Variants in IL1RAPL2 observed in about 807,000 individuals in gnomAD.
The protein encoded by IL1RAPL2 is interleukin 1 receptor accessory protein like 2.
A neutral mutation model predicts 44.1 loss-of-function variants in IL1RAPL2; 3 were observed. That is an observed-to-expected ratio of 0.07 (90% confidence interval 0.03 to 0.18). IL1RAPL2 has a LOEUF of 0.18. IL1RAPL2 is among the 10% of genes least tolerant of loss of function. The pLI is 1.00. For synonymous variants in IL1RAPL2, 181 were observed against 178.8 expected (o/e 1.01, Z -0.10); for missense variants, 391 against 496.4 (o/e 0.79, Z 2.02).
intron 2 of IL1RAPL2, among the ~76,000 whole-genome samples, chrX:105,068,244 G>C (rs1339424390): frequency 9.0e-6 from 1 of 111,375 alleles, no homozygotes; most frequent in Admixed American, 9.6e-5. Flanking sequence ...CAGAAAACTA[G>C]TCCATAAGTT....
intron 2 of IL1RAPL2, among the ~76,000 whole-genome samples, chrX:104,736,547 C>T (rs982404765): frequency 8.9e-6 from 1 of 112,082 alleles, no homozygotes; most frequent in Non-Finnish European, 1.9e-5. Flanking sequence ...GTATATCCAC[C>T]ATGAAGTCAT....
chrX:105,608,966 G>A (rs1461857655), intron 6 of IL1RAPL2, among the ~76,000 whole-genome samples: 1 of 111,117 alleles, frequency 9.0e-6, no homozygotes, highest in Non-Finnish European at 1.9e-5. Context: ...GAGTTCAGTA[G>A]GGACAAACTC....
intron 5 of IL1RAPL2, among the ~76,000 whole-genome samples, chrX:105,370,287 A>G (rs1220760003): frequency 9.0e-6 from 1 of 111,600 alleles, no homozygotes; most frequent in African/African-American, 3.3e-5. Context: ...CAAATTGCAT[A>G]TCATGGGGGT....
At chrX:105,488,662 A>G (rs1167261170) in intron 6 of IL1RAPL2, among the ~76,000 whole-genome samples, 1 of 112,122 alleles carries the variant, frequency 8.9e-6, no homozygotes, top group Non-Finnish European at 1.9e-5. Context: ...TCATGCAGCA[A>G]TTTTATGCAA....
Position 105,427,682 on chromosome X carries a change from C to A in IL1RAPL2, c.698-56631C>A, listed in dbSNP as rs145561568. Among the ~76,000 whole-genome samples the A allele has an allele frequency of 5.4e-5, 6 of 112,093 alleles. No individual in the cohort carries two copies. In the East Asian group the frequency reaches 1.7e-3, roughly 32 times the overall value. On this transcript the variant is annotated intron_variant, in intron 5 of 10. Transcript: ENST00000372582. Reference sequence around the variant, plus strand: ...TTAGAGGAAGAAGAATCCAAAAAGACTGTCTTCCTAGGAAGGAAACTTCTT... The same window carrying A: ...TTAGAGGAAGAAGAATCCAAAAAGAATGTCTTCCTAGGAAGGAAACTTCTT...
intron 5 of IL1RAPL2, among the ~76,000 whole-genome samples, chrX:105,473,693 A>G (rs2036179404): frequency 8.9e-6 from 1 of 112,042 alleles, no homozygotes; most frequent in Non-Finnish European, 1.9e-5. Context: ...TTTGAAAACC[A>G]TAAGTAAATA....
intron 4 of IL1RAPL2, among the ~76,000 whole-genome samples, chrX:105,254,930 G>A (rs1001394792): frequency 7.9e-4 from 88 of 111,470 alleles, no homozygotes; most frequent in Non-Finnish European, 1.3e-3. Flanking sequence ...TTTTGTGCTA[G>A]CACCCTGCTA....
intron 2 of IL1RAPL2, among the ~76,000 whole-genome samples, chrX:104,935,542 A>G (rs1169350029): frequency 8.9e-6 from 1 of 112,211 alleles, no homozygotes; most frequent in African/African-American, 3.2e-5. Flanking sequence ...AATTGAAAGA[A>G]AGCTTCATAG....
chrX:105,463,571 CA>C (rs2036108292), intron 5 of IL1RAPL2, among the ~76,000 whole-genome samples: 2 of 1,878 alleles, frequency 1.1e-3, no homozygotes, highest in South Asian at 0.014. Flanking sequence ...CTCTCTCTCC[CA>C]CACACACACA....
At chrX:104,654,841 T>C (rs1279299310) in intron 1 of IL1RAPL2, among the ~76,000 whole-genome samples, 1 of 111,438 alleles carries the variant, frequency 9.0e-6, no homozygotes, top group Non-Finnish European at 1.9e-5. Flanking sequence ...TTGTGCCCTC[T>C]TTTAATTCGT....
At chrX:104,584,453 GT>G (rs1310575450) in intron 1 of IL1RAPL2, among the ~76,000 whole-genome samples, 396 of 102,427 alleles carry the variant, frequency 3.9e-3, no homozygotes, top group Middle Eastern at 1.0e-2. Context: ...TCAATAAATA[GT>G]TTTTTTTTTT....
intron 2 of IL1RAPL2, among the ~76,000 whole-genome samples, chrX:104,983,338 C>CTATA (rs745444231): frequency 3.3e-4 from 32 of 96,609 alleles, no homozygotes; most frequent in African/African-American, 1.1e-3. Flanking sequence ...ATAGAAAATG[C>CTATA]TATATATATA....
intron 5 of IL1RAPL2, among the ~76,000 whole-genome samples, chrX:105,456,728 C>T (rs1183437414): frequency 9.0e-6 from 1 of 111,189 alleles, no homozygotes; most frequent in South Asian, 3.8e-4. Context: ...TCTTTAGCTA[C>T]ATCCCATCTA....
chrX:104,809,287 C>A (rs1932951490), intron 2 of IL1RAPL2, among the ~76,000 whole-genome samples: 2 of 111,762 alleles, frequency 1.8e-5, no homozygotes, highest in South Asian at 3.8e-4. Context: ...TTCTAGATCC[C>A]TGAGGAATTG....
chrX:105,243,251 G>A (rs1255494970), intron 4 of IL1RAPL2, among the ~76,000 whole-genome samples: 2 of 110,814 alleles, frequency 1.8e-5, no homozygotes, highest in South Asian at 3.8e-4. Context: ...ATGATAGTGA[G>A]TGAGTTCTCA....
At chrX:104,631,417 G>A (rs1929646382) in intron 1 of IL1RAPL2, among the ~76,000 whole-genome samples, 1 of 111,770 alleles carries the variant, frequency 8.9e-6, no homozygotes, top group African/African-American at 3.3e-5. Flanking sequence ...TCGCCACACT[G>A]ACTTCCACAA....
At position 104,660,266 on chromosome X, in the gene IL1RAPL2, T is replaced by C. The variant is rs752651350; in HGVS notation, c.82+1271T>C. On this transcript the variant is annotated intron_variant, in intron 2 of 10. Transcript: ENST00000372582. ...AGTCCCATTTTACTTTCAATCTTGG[T>C]TCAAATTGATAGTTGCTGAAATAAA... Among the ~76,000 whole-genome samples the C allele has an allele frequency of 4.5e-5, 5 of 111,031 alleles. No individual in the cohort carries two copies. In the South Asian group the frequency reaches 1.9e-3, roughly 42 times the overall value.
Position 105,484,212 on chromosome X carries a change from C to T in IL1RAPL2, c.698-101C>T, listed in dbSNP as rs1431580866. 9.6e-6 allele frequency: 6 copies of T among 624,835 alleles called. No individual in the cohort carries two copies. In the Admixed American group the frequency reaches 1.5e-4, roughly 15 times the overall value. 51.5% of individuals were successfully genotyped at this position (624,835 alleles called of 1,213,427 possible). ...ACACTGTCTAATAAATGTTTACACACCATCAAGTCTACAAACATTAAATAT... is the reference window on the plus strand; with the variant it reads ...ACACTGTCTAATAAATGTTTACACATCATCAAGTCTACAAACATTAAATAT... On this transcript the variant is annotated intron_variant, in intron 5 of 10. Coordinates refer to ENST00000372582, the MANE Select transcript of IL1RAPL2 (RefSeq NM_017416.2).
chrX:104,769,593 C>T (rs1030190547), intron 2 of IL1RAPL2, among the ~76,000 whole-genome samples: 9 of 111,888 alleles, frequency 8.0e-5, no homozygotes, highest in Non-Finnish European at 1.5e-4. Flanking sequence ...GGTTTATATT[C>T]CTGTGGCCTG....
Sources: allele counts gnomAD v4.1 joint callset (sites outside exome capture counted in the v4.1 genomes callset), GRCh38; gene constraint gnomAD v4.1.1; transcripts MANE v1.5; gene names NCBI Gene and HGNC (gene_info 2026-07-23, HGNC 2026-07-21).